Variants in PATJ observed in about 807,000 individuals in gnomAD.
PATJ encodes the protein inaD-like protein.
A neutral mutation model predicts 224.9 loss-of-function variants in PATJ; 190 were observed. The observed-to-expected ratio is 0.84, with a 90% CI of 0.75 to 0.95. The LOEUF (loss-of-function observed/expected upper bound fraction) is 0.95. PATJ is among the 40% of genes least tolerant of loss of function. PATJ has a pLI of 0.00. For synonymous variants in PATJ, 769 were observed against 820.3 expected (o/e 0.94, Z 1.07); for missense variants, 2,121 against 2,270.3 (o/e 0.93, Z 1.34).
intron 7 of PATJ, among the ~76,000 whole-genome samples, chr1:61,778,506 A>T (rs1647062689): frequency 6.6e-6 from 1 of 152,206 alleles, no homozygotes; most frequent in African/African-American, 2.4e-5. Context: ...TTATCAAAGA[A>T]TAGGCTGAAA....
At chr1:62,099,651 G>A (rs865956381) in intron 33 of PATJ, among the ~76,000 whole-genome samples, 11 of 152,128 alleles carry the variant, frequency 7.2e-5, no homozygotes, top group Admixed American at 4.6e-4. Context: ...TAATTAAGCC[G>A]TGTATTCATA....
chr1:61,914,287 C>T (rs1357076346), intron 25 of PATJ, among the ~76,000 whole-genome samples: 1 of 152,088 alleles, frequency 6.6e-6, no homozygotes, highest in Non-Finnish European at 1.5e-5. Flanking sequence ...GAAATTCCAT[C>T]TCTACTAAAA....
At position 61,772,336 on chromosome 1, in the gene PATJ, A is replaced by T. The variant is rs1452522410; in HGVS notation, c.720+710A>T. ...CATTATTTTTGAAAATTATAAGGGG[A>T]TTTATGACCAGATTATTGATATTGC... On this transcript the variant is annotated intron_variant, in intron 6 of 43. Transcript: ENST00000642238. Among the ~76,000 whole-genome samples the T allele has an allele frequency of 3.3e-5, 5 of 152,030 alleles. No individual in the cohort carries two copies. The East Asian group carries it at 9.6e-4, about 29-fold the overall frequency.
intron 27 of PATJ, among the ~76,000 whole-genome samples, chr1:61,977,545 A>G (rs1644205857): frequency 6.6e-6 from 1 of 152,060 alleles, no homozygotes; most frequent in African/African-American, 2.4e-5. Context: ...GTTTACAGCA[A>G]TGATATTCCA....
chr1:61,926,348 A>T (rs1675203736), intron 26 of PATJ, among the ~76,000 whole-genome samples: 2 of 152,256 alleles, frequency 1.3e-5, no homozygotes, highest in African/African-American at 4.8e-5. Context: ...CAAGAATATC[A>T]GTAGAAGCTA....
intron 31 of PATJ, among the ~76,000 whole-genome samples, chr1:62,074,316 C>T: frequency 6.6e-6 from 1 of 151,570 alleles, no homozygotes; most frequent in Non-Finnish European, 1.5e-5. Context: ...ATGTAACAAA[C>T]CTGCACGTTG....
chr1:62,090,018 T>G (rs533748378), intron 33 of PATJ, among the ~76,000 whole-genome samples: 1 of 152,288 alleles, frequency 6.6e-6, no homozygotes, highest in Non-Finnish European at 1.5e-5. Flanking sequence ...TTTAGAGGAG[T>G]TAAGTCTCTG....
At position 62,111,663 on chromosome 1, in the gene PATJ, CTT is replaced by C. The variant is rs35549430; in HGVS notation, c.4462-2376_4462-2375del. On this transcript the variant is annotated intron_variant, in intron 34 of 43. Coordinates refer to ENST00000642238, the MANE Select transcript of PATJ (RefSeq NM_001350145.3). ...TGCATCTATATCCAAAACCCATGTT[CTT>C]TTTTTTTTTTTTTGAGACAGAGTCT... Among the ~76,000 whole-genome samples the C allele has an allele frequency of 6.2e-3, 889 of 142,332 alleles. 12 individuals carry two copies. Among genetic ancestry groups the C allele is most frequent in the African/African-American group, 0.022 (837 of 38,662 alleles). 93.4% of individuals were successfully genotyped at this position (142,332 alleles called of 152,430 possible).
intron 18 of PATJ, among the ~76,000 whole-genome samples, chr1:61,857,312 A>T (rs1007455037): frequency 6.6e-6 from 1 of 152,216 alleles, no homozygotes; most frequent in African/African-American, 2.4e-5. Context: ...TAACTAACCT[A>T]ATCCTTACAG....
intron 31 of PATJ, among the ~76,000 whole-genome samples, chr1:62,057,089 A>C (rs1654678066): frequency 6.6e-6 from 1 of 152,098 alleles, no homozygotes; most frequent in African/African-American, 2.4e-5. Flanking sequence ...CAGCCTCCTA[A>C]AGTGCTGAGA....
At position 62,079,485 on chromosome 1, in the gene PATJ, A is replaced by T. The variant is rs771348804; in HGVS notation, c.4161A>T (p.Thr1387=). The T allele has an allele frequency of 1.9e-6, 3 of 1,613,972 alleles. No individual in the cohort carries two copies. In the Admixed American group the frequency reaches 5.0e-5, roughly 27 times the overall value. ...AGATGAAACAGCAAAAATATCCAAC[A>T]AAAGTCTCCTTCAGTTCACAAGAGA... ...VSQMKQQKYP[T]KVSFSSQEIP... Residue 1387 remains threonine (T), a synonymous_variant, in exon 32 of 44, where the codon ACA becomes ACT. Transcript: ENST00000642238.
chr1:61,917,695 G>A (rs1326589929), intron 26 of PATJ, among the ~76,000 whole-genome samples: 1 of 152,024 alleles, frequency 6.6e-6, no homozygotes, highest in Non-Finnish European at 1.5e-5. Context: ...TTTGGTTATG[G>A]TAAACTACTA....
In PATJ at chr1:61,787,873, C is replaced by T. The variant is rs764222912; in HGVS notation, c.969C>T (p.Leu323=). The T allele has an allele frequency of 3.2e-5, 52 of 1,613,986 alleles. No homozygotes were observed. Among genetic ancestry groups the T allele is most frequent in the Non-Finnish European group, 4.1e-5 (48 of 1,179,982 alleles). Residue 323 remains leucine, a synonymous_variant, in exon 8 of 44, where the codon CTC becomes CTT. Coordinates refer to ENST00000642238, the MANE Select transcript of PATJ (RefSeq NM_001350145.3). ...LRNCGNSVRM[L]VARDPAGDIS... ...ACTGTGGGAATTCAGTCAGGATGCT[C>T]GTTGCTAGAGATCCAGCTGGTGACA...
intron 4 of PATJ, 59 bp from the exon 5 acceptor site, chr1:61,769,224 A>C: frequency 6.5e-7 from 1 of 1,540,720 alleles, no homozygotes; most frequent in Non-Finnish European, 8.8e-7. Context: ...AGTTCTGCAG[A>C]CAGAGTATGT....
chr1:61,791,565 C>T, intron 9 of PATJ, 118 bp downstream of exon 9: 1 of 590,528 alleles, frequency 1.7e-6, no homozygotes, highest in Non-Finnish European at 2.9e-6. Context: ...AACCATGAGT[C>T]TATACTAGCA....
chr1:61,864,699 C>T, intron 20 of PATJ, 66 bp downstream of exon 20: 1 of 1,395,408 alleles, frequency 7.2e-7, no homozygotes, highest in East Asian at 2.3e-5. Context: ...CTGTCTCTAA[C>T]TCATGTCACT....
intron 27 of PATJ, among the ~76,000 whole-genome samples, chr1:61,973,398 A>G (rs1439097642): frequency 1.3e-5 from 2 of 152,080 alleles, no homozygotes; most frequent in Non-Finnish European, 2.9e-5. Context: ...CTAAGCAGGT[A>G]TGCAGAGAGA....
At position 61,864,318 on chromosome 1, in the gene PATJ, A is replaced by G. The variant is rs1334293768; in HGVS notation, c.2520A>G (p.Gln840=). 4 of 1,613,974 alleles carry G rather than the reference A, an allele frequency of 2.5e-6. No individual in the cohort carries two copies. The highest frequency in any genetic ancestry group is 3.4e-6 in the Non-Finnish European group (4 of 1,179,912). The change falls in exon 20 of 44, where the codon CAA becomes CAG. Residue 840 remains glutamine, a synonymous_variant. Transcript: ENST00000642238. ...FLDLGKSFHS[Q]QKEIEQSKEA... ...ATCTGGGAAAGTCTTTCCATTCCCA[A>G]CAAAAAGAGATAGAGCAAAGCAAGG...
chr1:61,881,881 C>T (rs143051293), intron 21 of PATJ, among the ~76,000 whole-genome samples: 2 of 152,190 alleles, frequency 1.3e-5, no homozygotes, highest in African/African-American at 2.4e-5. Flanking sequence ...TAGAATGGAC[C>T]GTGGGATGCA....
Sources: allele counts gnomAD v4.1 joint callset (sites outside exome capture counted in the v4.1 genomes callset), GRCh38; gene constraint gnomAD v4.1.1; transcripts MANE v1.5; gene names NCBI Gene and HGNC (gene_info 2026-07-23, HGNC 2026-07-21).